TTC28: variants seen among roughly 807,000 people sequenced by gnomAD.
TTC28 encodes tetratricopeptide repeat protein 28.
A neutral mutation model predicts 198.0 loss-of-function variants in TTC28; 61 were observed. The observed-to-expected ratio is 0.31, with a 90% CI of 0.25 to 0.38. The LOEUF is 0.38. TTC28 is among the 10% of genes least tolerant of loss of function. The pLI is 1.00. For missense variants in TTC28, 2,678 were observed against 3,164.0 expected, an observed-to-expected ratio of 0.85 and a Z score of 3.69; for synonymous variants, 1,171 against 1,297.8, an observed-to-expected ratio of 0.90 and a Z score of 2.10.
chr22:28,641,189 T>C (rs1484081035), intron 1 of TTC28, among the ~76,000 whole-genome samples: 1 of 152,004 alleles, frequency 6.6e-6, no homozygotes. Context: ...CCGGGCGTGG[T>C]GGCGCGTGCC....
chr22:28,456,089 G>GT (rs1406296505), intron 2 of TTC28, among the ~76,000 whole-genome samples: 1 of 151,628 alleles, frequency 6.6e-6, no homozygotes, highest in African/African-American at 2.4e-5. Flanking sequence ...AACCTGGGAG[G>GT]TGGAGGTTGC....
chr22:28,328,668 C>A (rs1238402776), intron 2 of TTC28, among the ~76,000 whole-genome samples: 2 of 150,990 alleles, frequency 1.3e-5, no homozygotes, highest in African/African-American at 4.9e-5. Flanking sequence ...GCAGGAGAAT[C>A]GCTTGAACCT....
intron 1 of TTC28, among the ~76,000 whole-genome samples, chr22:28,631,679 C>G (rs1388242486): frequency 6.6e-6 from 1 of 152,018 alleles, no homozygotes; most frequent in East Asian, 1.9e-4. Context: ...CATGCACCAC[C>G]CCGCCTGGCT....
At chr22:28,509,254 A>G (rs552482306) in intron 2 of TTC28, among the ~76,000 whole-genome samples, 18 of 152,194 alleles carry the variant, frequency 1.2e-4, no homozygotes, top group Admixed American at 2.6e-4. Flanking sequence ...TCCCATCACC[A>G]TATTGCACTT....
chr22:28,358,511 TG>T (rs2046111506), intron 2 of TTC28, among the ~76,000 whole-genome samples: 1 of 152,190 alleles, frequency 6.6e-6, no homozygotes, highest in South Asian at 2.1e-4. Flanking sequence ...TGTTTCTAAA[TG>T]AGGCAACATG....
chr22:28,646,199 T>C (rs1251497437), intron 1 of TTC28, among the ~76,000 whole-genome samples: 1 of 152,122 alleles, frequency 6.6e-6, no homozygotes, highest in African/African-American at 2.4e-5. Context: ...CTCCTAGATT[T>C]GATAGGGTTT....
chr22:28,639,480 G>A (rs996919194), intron 1 of TTC28, among the ~76,000 whole-genome samples: 1 of 152,166 alleles, frequency 6.6e-6, no homozygotes, highest in Non-Finnish European at 1.5e-5. Context: ...GTACTGATAT[G>A]GTTTGGCTGT....
intron 5 of TTC28, 98 bp from the exon 6 acceptor site, chr22:28,163,697 T>C: frequency 7.6e-7 from 1 of 1,310,632 alleles, no homozygotes; most frequent in Admixed American, 2.7e-5. Flanking sequence ...GATGGCCGAA[T>C]AGGAACAGCT....
intron 5 of TTC28, among the ~76,000 whole-genome samples, chr22:28,199,386 TATATATA>T (rs1569193336): frequency 2.8e-3 from 12 of 4,238 alleles, no homozygotes; most frequent in Non-Finnish European, 5.3e-3. Flanking sequence ...TTAAAAATTA[TATATATA>T]TATATATATA....
At position 28,619,422 on chromosome 22, in the gene TTC28, A is replaced by C. The variant is rs543223298; in HGVS notation, c.381+10130T>G. Among the ~76,000 whole-genome samples the C allele has an allele frequency of 4.6e-5, 7 of 152,354 alleles. No individual in the cohort carries two copies. In the East Asian group the frequency reaches 1.3e-3, roughly 29 times the overall value. ...GAATTCCAAAGTACTAGCAGACTTC[A>C]CTTCACATGCGTATTATGCCAATAT... On this transcript the variant is annotated intron_variant, in intron 2 of 22. Transcript: ENST00000397906.
intron 2 of TTC28, among the ~76,000 whole-genome samples, chr22:28,523,756 C>T (rs925628473): frequency 1.3e-5 from 2 of 152,114 alleles, no homozygotes; most frequent in Non-Finnish European, 2.9e-5. Flanking sequence ...ATCTAAATAG[C>T]TTAAGATCTT....
At chr22:28,153,423 C>T (rs866902582) in intron 6 of TTC28, among the ~76,000 whole-genome samples, 33 of 135,452 alleles carry the variant, frequency 2.4e-4, no homozygotes, top group Middle Eastern at 8.1e-3. Flanking sequence ...AAAAAACCTT[C>T]GTTTTTTGTT....
chr22:28,558,839 AGCCT>A (rs770667829), intron 2 of TTC28, among the ~76,000 whole-genome samples: 3 of 152,284 alleles, frequency 2.0e-5, no homozygotes, highest in Non-Finnish European at 4.4e-5. Flanking sequence ...AAAACAGACC[AGCCT>A]GGCCAACATG....
At chr22:28,061,019 C>T (rs144797131) in intron 12 of TTC28, among the ~76,000 whole-genome samples, 1,564 of 152,198 alleles carry the variant, frequency 0.01, 31 homozygotes, top group African/African-American at 0.035. Context: ...AAATGTCTTC[C>T]TTTGAGAAGT....
intron 2 of TTC28, among the ~76,000 whole-genome samples, chr22:28,358,954 T>C (rs1296879129): frequency 6.6e-6 from 1 of 152,198 alleles, no homozygotes; most frequent in East Asian, 1.9e-4. Context: ...CTAAGTAATA[T>C]GGGGATGGGT....
rs562271594 is a variant in TTC28, at chr22:28,538,844, G to A, written c.381+90708C>T. On this transcript the variant is annotated intron_variant, in intron 2 of 22. Transcript: ENST00000397906. Reference sequence around the variant, plus strand: ...CCCAAAGTGCTGGGATTACAAGCATGAGCCACTGTGCCCAGCCAAGTACCT... The same window carrying A: ...CCCAAAGTGCTGGGATTACAAGCATAAGCCACTGTGCCCAGCCAAGTACCT... 1.2e-4 allele frequency among the ~76,000 whole-genome samples: 18 copies of A among 152,298 alleles called. No individual in the cohort carries two copies. In the East Asian group the frequency reaches 3.1e-3, roughly 26 times the overall value.
chr22:28,658,494 C>T (rs886355909), intron 1 of TTC28, among the ~76,000 whole-genome samples: 1 of 152,002 alleles, frequency 6.6e-6, no homozygotes, highest in Non-Finnish European at 1.5e-5. Flanking sequence ...TCAAAATCAT[C>T]GAGATGGAAA....
At chr22:28,455,463 C>T (rs2047844886) in intron 2 of TTC28, among the ~76,000 whole-genome samples, 1 of 152,088 alleles carries the variant, frequency 6.6e-6, no homozygotes, top group African/African-American at 2.4e-5. Flanking sequence ...TCTGTAATCC[C>T]AGCACTTTGG....
Position 27,998,274 on chromosome 22 carries a change from A to G in TTC28, c.5119+266T>C. On this transcript the variant is annotated intron_variant, in intron 16 of 22. Transcript: ENST00000397906. The stretch of plus-strand genomic sequence containing the variant: ...GAGGGTGCCATGGAATGGGTCATCC[A>G]GTGTACACTGACATCAGGAGGAGTT... 3 of 573,226 alleles carry G rather than the reference A, an allele frequency of 5.2e-6. No individual in the cohort carries two copies. In the South Asian group the frequency reaches 6.8e-5, roughly 13 times the overall value. 35.5% of individuals were successfully genotyped at this position (573,226 alleles called of 1,614,324 possible).
Sources: allele counts gnomAD v4.1 joint callset (sites outside exome capture counted in the v4.1 genomes callset), GRCh38; gene constraint gnomAD v4.1.1; transcripts MANE v1.5; gene names NCBI Gene and HGNC (gene_info 2026-07-23, HGNC 2026-07-21).